The following CNTN5 variants were observed in gnomAD, a reference collection of about 807,000 sequenced individuals.
The protein encoded by CNTN5 is contactin-5.
In CNTN5, 77 loss-of-function variants were observed where a neutral mutation model predicts 129.1. The observed-to-expected ratio is 0.60, with a 90% CI of 0.50 to 0.72. The LOEUF (loss-of-function observed/expected upper bound fraction) is 0.72. Among genes scored for constraint, CNTN5 ranks in the 30% least tolerant of loss-of-function variants. The pLI is 0.00. For missense variants in CNTN5, 1,478 were observed against 1,328.8 expected (o/e 1.11, Z -1.75); for synonymous variants, 509 against 465.6 (o/e 1.09, Z -1.20).
intron 2 of CNTN5, among the ~76,000 whole-genome samples, chr11:99,460,025 T>C (rs1294306828): frequency 1.3e-5 from 2 of 151,932 alleles, no homozygotes; most frequent in Non-Finnish European, 2.9e-5. Context: ...TTGTTCTGTA[T>C]GAAGTGATAT....
intron 3 of CNTN5, among the ~76,000 whole-genome samples, chr11:99,631,508 CTG>C (rs59996983): frequency 0.018 from 2,779 of 151,972 alleles, 92 homozygotes; most frequent in African/African-American, 0.063. Flanking sequence ...TTAAACCAAA[CTG>C]TTTATTATAG....
At chr11:100,046,683 C>T (rs1001805064) in intron 9 of CNTN5, among the ~76,000 whole-genome samples, 1 of 151,838 alleles carries the variant, frequency 6.6e-6, no homozygotes, top group African/African-American at 2.4e-5. Flanking sequence ...TGGATTGTTA[C>T]CAGATTAATT....
chr11:99,870,483 TATAA>T (rs1948475288), intron 6 of CNTN5, among the ~76,000 whole-genome samples: 1 of 152,084 alleles, frequency 6.6e-6, no homozygotes, highest in African/African-American at 2.4e-5. Flanking sequence ...CATGATAAAA[TATAA>T]ATAAACTGAT....
intron 3 of CNTN5, among the ~76,000 whole-genome samples, chr11:99,819,293 TCCTCCCCTTC>T (rs1946694249): frequency 3.1e-5 from 1 of 32,454 alleles, no homozygotes; most frequent in Non-Finnish European, 6.4e-5. Context: ...CCCTCTCCTC[TCCTCCCCTTC>T]CCTCCCCTCT....
At chr11:99,318,164 A>G (rs1486393013) in intron 1 of CNTN5, among the ~76,000 whole-genome samples, 1 of 152,236 alleles carries the variant, frequency 6.6e-6, no homozygotes, top group African/African-American at 2.4e-5. Context: ...ATTGAGAGAA[A>G]TAAGTGTTCT....
chr11:100,251,716 C>T (rs1949966556), intron 16 of CNTN5, among the ~76,000 whole-genome samples: 1 of 152,080 alleles, frequency 6.6e-6, no homozygotes, highest in East Asian at 1.9e-4. Flanking sequence ...TAATGTCCTC[C>T]ATTTCCATCC....
chr11:99,981,800 C>T (rs561039751), intron 8 of CNTN5, among the ~76,000 whole-genome samples: 1 of 152,266 alleles, frequency 6.6e-6, no homozygotes, highest in African/African-American at 2.4e-5. Context: ...AAAACTAGCT[C>T]TTATCACTAT....
intron 7 of CNTN5, among the ~76,000 whole-genome samples, chr11:99,935,739 T>C (rs1265375800): frequency 6.6e-6 from 1 of 152,160 alleles, no homozygotes; most frequent in East Asian, 1.9e-4. Flanking sequence ...ACAATATAAG[T>C]TAGCCTCACC....
rs866660518 is a variant in CNTN5, at chr11:99,782,637, T to C, written c.56-36907T>C. Among the ~76,000 whole-genome samples, 4 of 151,548 alleles carry C rather than the reference T, an allele frequency of 2.6e-5. No homozygotes were observed. The East Asian group carries it at 5.9e-4, about 22-fold the overall frequency. Reference sequence around the variant, plus strand: ...ACTGGTACCAAAACAGAGATATAGATCAATGGAACAGAACAGAGCCCTCAG... The same window carrying C: ...ACTGGTACCAAAACAGAGATATAGACCAATGGAACAGAACAGAGCCCTCAG... On this transcript the variant is annotated intron_variant, in intron 3 of 24. Transcript: ENST00000524871.
At position 99,815,502 on chromosome 11, in the gene CNTN5, C is replaced by T. The variant is rs7119798; in HGVS notation, c.56-4042C>T. ...GTAAATCAGTTGCACTAAGACCATACGACTGATGAAAGCCACTTTCTAAGG... is the reference window on the plus strand; with the variant it reads ...GTAAATCAGTTGCACTAAGACCATATGACTGATGAAAGCCACTTTCTAAGG... On this transcript the variant is annotated intron_variant, in intron 3 of 24. Coordinates refer to ENST00000524871, the MANE Select transcript of CNTN5 (RefSeq NM_014361.4). 8.9e-3 allele frequency among the ~76,000 whole-genome samples: 1,357 copies of T among 152,170 alleles called. 23 individuals are homozygous for T. The highest frequency in any genetic ancestry group is 0.031 in the African/African-American group (1,304 of 41,494).
intron 6 of CNTN5, among the ~76,000 whole-genome samples, chr11:99,851,683 C>A (rs1947878448): frequency 6.6e-6 from 1 of 152,230 alleles, no homozygotes; most frequent in African/African-American, 2.4e-5. Flanking sequence ...TTTGAACATA[C>A]TGCTTTTCAG....
At chr11:99,767,705 A>G (rs1944802681) in intron 3 of CNTN5, among the ~76,000 whole-genome samples, 1 of 151,630 alleles carries the variant, frequency 6.6e-6, no homozygotes, top group South Asian at 2.1e-4. Context: ...GTTTGCTTCT[A>G]AAGACCTGGA....
At chr11:99,230,705 T>C (rs1343422660) in intron 1 of CNTN5, among the ~76,000 whole-genome samples, 1 of 152,174 alleles carries the variant, frequency 6.6e-6, no homozygotes, top group African/African-American at 2.4e-5. Context: ...ATGTGCAGGT[T>C]TGTTACACAG....
At chr11:99,358,669 G>A (rs2136102874) in intron 2 of CNTN5, among the ~76,000 whole-genome samples, 1 of 152,146 alleles carries the variant, frequency 6.6e-6, no homozygotes, top group South Asian at 2.1e-4. Context: ...AAATCAGAAG[G>A]CAAATATTAT....
At chr11:99,556,877 G>A (rs934047116) in intron 3 of CNTN5, among the ~76,000 whole-genome samples, 11 of 150,688 alleles carry the variant, frequency 7.3e-5, no homozygotes, top group East Asian at 3.9e-4. Context: ...ACTTTATTCC[G>A]AAGAAAAGTT....
At chr11:100,151,777 C>T (rs1410618205) in intron 13 of CNTN5, among the ~76,000 whole-genome samples, 4 of 152,124 alleles carry the variant, frequency 2.6e-5, no homozygotes, top group Admixed American at 6.6e-5. Flanking sequence ...AGACTGACTG[C>T]TACTTATACT....
chr11:99,576,177 G>C (rs1949344437), intron 3 of CNTN5, among the ~76,000 whole-genome samples: 1 of 152,214 alleles, frequency 6.6e-6, no homozygotes, highest in South Asian at 2.1e-4. Flanking sequence ...GAGGAGAAGA[G>C]AGTGGAGGAA....
At chr11:99,137,504 C>A (rs1311969378) in intron 1 of CNTN5, among the ~76,000 whole-genome samples, 1 of 151,892 alleles carries the variant, frequency 6.6e-6, no homozygotes. Context: ...TAAAATTAGG[C>A]CAGAGTAAAA....
At chr11:99,398,703 A>C (rs1941650536) in intron 2 of CNTN5, among the ~76,000 whole-genome samples, 1 of 151,942 alleles carries the variant, frequency 6.6e-6, no homozygotes, top group Non-Finnish European at 1.5e-5. Flanking sequence ...TTTTCCATTC[A>C]AACAATATTC....
Sources: gnomAD v4.1 joint callset for allele counts (sites outside exome capture counted in the v4.1 genomes callset) on GRCh38, gnomAD v4.1.1 for gene constraint, MANE v1.5 for transcripts, NCBI Gene and HGNC (gene_info 2026-07-23, HGNC 2026-07-21) for gene names.